The following PIP4K2C variants were observed in gnomAD, a reference collection of about 807,000 sequenced individuals.
PIP4K2C encodes phosphatidylinositol-5-phosphate 4-kinase type 2 gamma.
A neutral mutation model predicts 45.0 loss-of-function variants in PIP4K2C; 21 were observed. That is an observed-to-expected ratio of 0.47 (90% CI 0.33 to 0.67). The LOEUF (loss-of-function observed/expected upper bound fraction) is 0.67, where lower values mean the gene tolerates loss of function less well. Among genes scored for constraint, PIP4K2C ranks in the 30% least tolerant of loss-of-function variants. The pLI is 0.02. For synonymous variants in PIP4K2C, 201 were observed against 204.8 expected, an observed-to-expected ratio of 0.98 and a Z score of 0.16; for missense variants, 456 against 542.8, an observed-to-expected ratio of 0.84 and a Z score of 1.59.
chr12:57,595,466 A>T (rs1278992283), intron 3 of PIP4K2C, among the ~76,000 whole-genome samples: 2 of 152,340 alleles, frequency 1.3e-5, no homozygotes, highest in East Asian at 3.9e-4. Flanking sequence ...ACACTTTGGG[A>T]GGCCGAGGCG....
rs1883286140 is a variant in PIP4K2C, at chr12:57,598,509, G to C, written c.514-556G>C. On this transcript the variant is annotated intron_variant, in intron 4 of 9. Coordinates refer to ENST00000354947, the MANE Select transcript of PIP4K2C (RefSeq NM_024779.5). ...ACTGCACTTCAGCCTGGGCAACAGA[G>C]TGAGACTCCATCTCCAAAAAAAAAA... Among the ~76,000 whole-genome samples the C allele has an allele frequency of 4.1e-5, 5 of 122,330 alleles. No individual in the cohort carries two copies. In the South Asian group the frequency reaches 1.5e-3, roughly 36 times the overall value. The allele number at this position is 122,330 out of a possible 152,430, so 80.3% of individuals were successfully genotyped here. A position where few individuals can be genotyped will look rare whatever the true frequency, so the allele number is the denominator to read the frequency against.
chr12:57,592,758 G>A (rs1883017941), intron 1 of PIP4K2C, among the ~76,000 whole-genome samples: 1 of 152,082 alleles, frequency 6.6e-6, no homozygotes. Flanking sequence ...CCCACCCTCT[G>A]CCAACACACA....
Position 57,600,442 on chromosome 12 carries a change from T to C in PIP4K2C, c.813+5T>C, listed in dbSNP as rs1883379014. On this transcript the variant is annotated splice_donor_5th_base_variant and intron_variant, in intron 7 of 9. Transcript: ENST00000354947. ...AAGCTGAAGAGAGATGTGGAGGTGA[T>C]GATTGGGTGCTCTGGGAAATGGCTT... 1 of 1,566,632 alleles carries C rather than the reference T, an allele frequency of 6.4e-7. No homozygotes were observed. Among genetic ancestry groups the C allele is most frequent in the Non-Finnish European group, 8.8e-7 (1 of 1,138,146 alleles).
intron 1 of PIP4K2C, among the ~76,000 whole-genome samples, chr12:57,593,427 G>A (rs1425220379): frequency 6.8e-6 from 1 of 145,992 alleles, no homozygotes; most frequent in Non-Finnish European, 1.5e-5. Context: ...GCCTGCATTC[G>A]CTCTGAAATC....
rs888023317 is a variant in PIP4K2C at position 57,603,395 on chromosome 12, A to C, written c.*1789A>C. 3 of 150,110 alleles carry C rather than the reference A, an allele frequency of 2.0e-5. No individual in the cohort carries two copies. Among genetic ancestry groups the C allele is most frequent in the African/African-American group, 7.3e-5 (3 of 40,990 alleles). The allele number at this position is 150,110 out of a possible 1,614,324, so 9.3% of individuals were successfully genotyped here. A position where few individuals can be genotyped will look rare whatever the true frequency, so the allele number is the denominator to read the frequency against. ...TTTGCTCCTGTTACTATAATAATAC[A>C]GGGAATAAATTATTCAATCCAAATT... is the stretch of plus-strand genomic sequence containing the variant. On this transcript the variant is annotated 3_prime_UTR_variant, in exon 10 of 10. Coordinates refer to ENST00000354947, the MANE Select transcript of PIP4K2C (RefSeq NM_024779.5).
Position 57,601,687 on chromosome 12 carries a change from CAGT to C in PIP4K2C, c.*82_*84del. 2.4e-6 allele frequency: 3 copies of C among 1,227,154 alleles called. No individual in the cohort carries two copies. Among genetic ancestry groups the C allele is most frequent in the Non-Finnish European group, 3.6e-6 (3 of 828,160 alleles). 76.0% of individuals were successfully genotyped at this position (1,227,154 alleles called of 1,614,324 possible). On this transcript the variant is annotated 3_prime_UTR_variant, in exon 10 of 10. Coordinates refer to ENST00000354947, the MANE Select transcript of PIP4K2C (RefSeq NM_024779.5). ...GGAATTGTGGGGATATTCTAGCCAC[CAGT>C]TCTCTTCTTCCTTTGCTAAATTCAG...
In PIP4K2C at chr12:57,601,528, T is replaced by G. The variant is rs143979993; in HGVS notation, c.1188T>G (p.Ala396=). 1.0e-3 allele frequency: 1,623 copies of G among 1,612,554 alleles called. 21 individuals carry two copies. The African/African-American group carries it at 0.019, about 19-fold the overall frequency. Residue 396 remains alanine, a splice_region_variant and synonymous_variant, in exon 10 of 10, where the codon GCT becomes GCG. Coordinates refer to ENST00000354947, the MANE Select transcript of PIP4K2C (RefSeq NM_024779.5). The part of the protein sequence containing the change: ...AHAAKTVKHG[A]GAEISTVHPE... ...TTGTTCCGTATCTCCTCTCACAGGC[T>G]GGGGCAGAGATCTCTACTGTCCATC...
intron 7 of PIP4K2C, 30 bp downstream of exon 7, chr12:57,600,467 T>C: frequency 6.8e-7 from 1 of 1,477,454 alleles, no homozygotes; most frequent in Non-Finnish European, 9.4e-7. Context: ...GGAAATGGCT[T>C]TCCTTTTTTT....
Position 57,600,941 on chromosome 12 carries a change from T to C in PIP4K2C, c.944T>C (p.Leu315Pro). 6.2e-7 allele frequency: 1 copy of C among 1,614,198 alleles called. No individual in the cohort carries two copies. The highest frequency in any genetic ancestry group is 8.5e-7 in the Non-Finnish European group (1 of 1,180,040). ...TCAGAGGTGGATGGGGACTGCAGCC[T>C]GACTGGACCTCCTGCTCTGGTGGGC... ...DESEVDGDCS[L>P]TGPPALVGSY... is the part of the protein sequence containing the mutation. The change falls in exon 8 of 10, where the codon CTG (leucine) becomes CCG (proline). Residue 315 changes from leucine to proline, a missense_variant. By Grantham distance (98) the Leu-to-Pro change is moderately conservative (BLOSUM62 -3). Coordinates refer to ENST00000354947, the MANE Select transcript of PIP4K2C (RefSeq NM_024779.5).
At chr12:57,595,335 C>T in intron 3 of PIP4K2C, 113 bp downstream of exon 3, 1 of 753,066 alleles carries the variant, frequency 1.3e-6, no homozygotes, top group Middle Eastern at 2.4e-4. Flanking sequence ...AATTCTTTAC[C>T]TTTTTGTGAT....
chr12:57,598,597 C>G (rs1883293952), intron 4 of PIP4K2C, among the ~76,000 whole-genome samples: 1 of 142,248 alleles, frequency 7.0e-6, no homozygotes, highest in South Asian at 2.2e-4. Flanking sequence ...GTATAAAAAT[C>G]TGTATTTATA....
intron 2 of PIP4K2C, 141 bp from the exon 3 acceptor site, chr12:57,594,985 A>G: frequency 3.4e-6 from 2 of 587,098 alleles, no homozygotes; most frequent in Non-Finnish European, 6.0e-6. Flanking sequence ...TAATAATAAC[A>G]AATAAAAATT....
At chr12:57,594,284 C>G (rs1291625200) in intron 2 of PIP4K2C, among the ~76,000 whole-genome samples, 162 bp downstream of exon 2, 3 of 152,148 alleles carry the variant, frequency 2.0e-5, no homozygotes, top group Non-Finnish European at 2.9e-5. Context: ...TCCCTATATC[C>G]TTATATGAAT....
intron 6 of PIP4K2C, 24 bp from the exon 7 acceptor site, chr12:57,600,300 A>G (rs766727703): frequency 6.8e-7 from 1 of 1,475,494 alleles, no homozygotes; most frequent in East Asian, 2.3e-5. Context: ...TATGTTCCCA[A>G]GATGTCCCTT....
Position 57,599,976 on chromosome 12 carries a change from C to T in PIP4K2C, c.700-348C>T, listed in dbSNP as rs547631159. 4.6e-5 allele frequency among the ~76,000 whole-genome samples: 7 copies of T among 150,736 alleles called. No individual in the cohort carries two copies. In the South Asian group the frequency reaches 8.3e-4, roughly 18 times the overall value. On this transcript the variant is annotated intron_variant, in intron 6 of 9. Coordinates refer to ENST00000354947, the MANE Select transcript of PIP4K2C (RefSeq NM_024779.5). Reference sequence around the variant, plus strand: ...GGAGAATCACTTGAGTCCAGGAGGTCGCGGCTACAGTGAGCTGAGATCACA... The same window carrying T: ...GGAGAATCACTTGAGTCCAGGAGGTTGCGGCTACAGTGAGCTGAGATCACA...
chr12:57,597,237 G>A (rs1174001067), intron 4 of PIP4K2C, among the ~76,000 whole-genome samples: 3 of 152,210 alleles, frequency 2.0e-5, no homozygotes, highest in South Asian at 2.1e-4. Flanking sequence ...CTGGAAGGGT[G>A]GATACCAGTT....
At chr12:57,598,944 T>C (rs1340050154) in intron 4 of PIP4K2C, 121 bp from the exon 5 acceptor site, 24 of 1,114,094 alleles carry the variant, frequency 2.2e-5, no homozygotes, top group Non-Finnish European at 2.9e-5. Context: ...CTTTTGACTT[T>C]GTAATCTCTC....
intron 9 of PIP4K2C, 52 bp downstream of exon 9, chr12:57,601,400 TAG>T (rs111953969): frequency 6.4e-7 from 1 of 1,558,154 alleles, no homozygotes; most frequent in Non-Finnish European, 8.8e-7. Context: ...TCTTTGGGAA[TAG>T]AGTCTCTTGT....
intron 8 of PIP4K2C, 51 bp downstream of exon 8, chr12:57,601,129 A>C: frequency 6.2e-7 from 1 of 1,605,474 alleles, no homozygotes; most frequent in Non-Finnish European, 8.5e-7. Context: ...TTCCTGGAGG[A>C]CAGAGACCAG....
Sources: allele counts gnomAD v4.1 joint callset (sites outside exome capture counted in the v4.1 genomes callset), GRCh38; gene constraint gnomAD v4.1.1; transcripts MANE v1.5; gene names NCBI Gene and HGNC (gene_info 2026-07-23, HGNC 2026-07-21).